The following CYFIP2 variants were observed in gnomAD, a reference collection of about 807,000 sequenced individuals.
CYFIP2 encodes the protein cytoplasmic FMR1 interacting protein 2, also known as cytoplasmic FMR1-interacting protein 2.
A neutral mutation model predicts 158.7 loss-of-function variants in CYFIP2; 29 were observed. The observed-to-expected ratio is 0.18, with a 90% CI of 0.14 to 0.25. The LOEUF is 0.25. Among genes scored for constraint, CYFIP2 ranks in the 10% least tolerant of loss-of-function variants. CYFIP2 has a pLI of 1.00. For missense variants in CYFIP2, 852 were observed against 1,639.5 expected (o/e 0.52, Z 8.29); for synonymous variants, 585 against 617.6 (o/e 0.95, Z 0.78).
At chr5:157,282,395 A>T (rs1350310532) in intron 1 of CYFIP2, among the ~76,000 whole-genome samples, 1 of 152,232 alleles carries the variant, frequency 6.6e-6, no homozygotes, top group Non-Finnish European at 1.5e-5. Context: ...CAAGCCATTC[A>T]TGAGGGACCT....
intron 23 of CYFIP2, among the ~76,000 whole-genome samples, chr5:157,358,246 T>C (rs1391463894): frequency 2.0e-5 from 3 of 152,152 alleles, no homozygotes. Context: ...CTTAAAGAGA[T>C]CCTTCAAATT....
chr5:157,324,502 A>G (rs1342755686), intron 16 of CYFIP2, among the ~76,000 whole-genome samples: 2 of 152,244 alleles, frequency 1.3e-5, no homozygotes, highest in African/African-American at 4.8e-5. Context: ...AGTAAGATGT[A>G]TGTCCAGAGC....
intron 24 of CYFIP2, 45 bp from the exon 25 acceptor site, chr5:157,360,237 A>G (rs1229609286): frequency 5.8e-6 from 9 of 1,540,982 alleles, no homozygotes; most frequent in Middle Eastern, 3.4e-4. Flanking sequence ...CATACCCCGC[A>G]TAGCCCAGAA....
intron 26 of CYFIP2, among the ~76,000 whole-genome samples, chr5:157,374,646 C>T (rs977184295): frequency 6.6e-6 from 1 of 152,196 alleles, no homozygotes; most frequent in African/African-American, 2.4e-5. Flanking sequence ...TGCCCACTTC[C>T]ACCTGGTCAG....
intron 5 of CYFIP2, 146 bp from the exon 6 acceptor site, chr5:157,300,569 C>A (rs576421099): frequency 2.2e-5 from 13 of 584,574 alleles, no homozygotes; most frequent in Non-Finnish European, 3.3e-5. Flanking sequence ...AAATTAGCTT[C>A]GGATTTAAGG....
chr5:157,343,593 A>T, intron 23 of CYFIP2: 1 of 1,384,632 alleles, frequency 7.2e-7, no homozygotes, highest in Non-Finnish European at 9.8e-7. Flanking sequence ...TTAAGTATGT[A>T]TTTATCATAA....
At chr5:157,334,074 A>T (rs1467458313) in intron 21 of CYFIP2, among the ~76,000 whole-genome samples, 1 of 152,272 alleles carries the variant, frequency 6.6e-6, no homozygotes, top group South Asian at 2.1e-4. Flanking sequence ...TCAAAAGCGA[A>T]TGAACAGAAG....
chr5:157,334,207 G>A (rs1761693122), intron 21 of CYFIP2, among the ~76,000 whole-genome samples: 1 of 152,200 alleles, frequency 6.6e-6, no homozygotes, highest in African/African-American at 2.4e-5. Flanking sequence ...CTTATATGAG[G>A]TTCCTACAGT....
intron 28 of CYFIP2, chr5:157,384,413 A>C: frequency 1.1e-5 from 5 of 456,750 alleles, no homozygotes; most frequent in Non-Finnish European, 2.2e-5. Flanking sequence ...GAGATTTAGG[A>C]TTGAAATCTG....
rs754215558 is a variant in CYFIP2, at chr5:157,389,410, C to G, written c.3429C>G (p.Thr1143=). 1 of 1,598,892 alleles carries G rather than the reference C, an allele frequency of 6.3e-7. No homozygotes were observed. The highest frequency in any genetic ancestry group is 1.3e-5 in the African/African-American group (1 of 74,812). The change falls in exon 29 of 31, where the codon ACC becomes ACG. Residue 1143 remains threonine (T), a synonymous_variant. Coordinates refer to ENST00000620254, the MANE Select transcript of CYFIP2 (RefSeq NM_001037333.3). ...MQFVYCIPVG[T]NEFTAEQCFG... Reference sequence around the variant, plus strand: ...TCGTGTACTGCATCCCTGTGGGAACCAACGAGTTCACAGCTGAGTGAGTAC... The same window carrying G: ...TCGTGTACTGCATCCCTGTGGGAACGAACGAGTTCACAGCTGAGTGAGTAC...
rs756287399 is a variant in CYFIP2 at position 157,358,842 on chromosome 5, CCT to C, written c.2674-156_2674-155del. Among the ~76,000 whole-genome samples, 15 of 152,324 alleles carry C rather than the reference CCT, an allele frequency of 9.8e-5. No individual in the cohort carries two copies. In the South Asian group the frequency reaches 1.2e-3, roughly 13 times the overall value. On this transcript the variant is annotated intron_variant, in intron 23 of 30. Coordinates refer to ENST00000620254, the MANE Select transcript of CYFIP2 (RefSeq NM_001037333.3). ...CGCCATCCTGTAGTCACTGACCACA[CCT>C]CTCTCTATGACCACCATTTTGCAAA...
intron 26 of CYFIP2, chr5:157,363,131 T>G (rs375339746): frequency 6.6e-6 from 1 of 152,386 alleles, no homozygotes; most frequent in Admixed American, 6.5e-5. Context: ...TCAGAGACTG[T>G]GCTCTCCTCC....
chr5:157,267,307 G>A (rs2113794499), intron 1 of CYFIP2, among the ~76,000 whole-genome samples: 1 of 152,320 alleles, frequency 6.6e-6, no homozygotes, highest in Non-Finnish European at 1.5e-5. Flanking sequence ...TGGCAGGAGG[G>A]GCAAATCAGG....
At position 157,330,813 on chromosome 5, in the gene CYFIP2, A is replaced by G. The variant is rs748914944; in HGVS notation, c.2228A>G (p.Asn743Ser). The change falls in exon 20 of 31, where the codon AAT (asparagine) becomes AGT (serine). Residue 743 changes from asparagine (N) to serine (S), a missense_variant. Physicochemically the swap from Asn to Ser is conservative, Grantham distance 46. This residue lies in a region of CYFIP2 where 191 missense variants were observed against 311.2 expected (regional missense o/e 0.61). Transcript: ENST00000620254. ...YGVIIPYPPSNRYETLLKQRH... is the reference protein window; with the variant it reads ...YGVIIPYPPSSRYETLLKQRH... Reference sequence around the variant, plus strand: ...GTCATCATTCCGTATCCACCGTCCAATCGCTATGAAACACTGCTGAAGCAG... The same window carrying G: ...GTCATCATTCCGTATCCACCGTCCAGTCGCTATGAAACACTGCTGAAGCAG... 7 of 1,613,892 alleles carry G rather than the reference A, an allele frequency of 4.3e-6. No homozygotes were observed. In the African/African-American group the frequency reaches 5.3e-5, roughly 12 times the overall value.
intron 1 of CYFIP2, chr5:157,271,703 C>T (rs2113805270): frequency 6.6e-6 from 1 of 152,254 alleles, no homozygotes; most frequent in African/African-American, 2.4e-5. Context: ...AGAAATTTGC[C>T]CTTTTAGAGT....
chr5:157,291,584 C>G (rs999061771), intron 3 of CYFIP2, among the ~76,000 whole-genome samples: 41 of 152,228 alleles, frequency 2.7e-4, no homozygotes, highest in African/African-American at 9.9e-4. Context: ...CAAGTAGACA[C>G]GTGTTCCTTA....
intron 3 of CYFIP2, among the ~76,000 whole-genome samples, chr5:157,289,667 A>G (rs1403053221): frequency 6.6e-6 from 1 of 152,060 alleles, no homozygotes; most frequent in Non-Finnish European, 1.5e-5. Context: ...GCCCTCTCTA[A>G]TGGCCTCATT....
At position 157,294,068 on chromosome 5, in the gene CYFIP2, C is replaced by A. The variant is rs371225437; in HGVS notation, c.208-715C>A. On this transcript the variant is annotated intron_variant, in intron 3 of 30. Coordinates refer to ENST00000620254, the MANE Select transcript of CYFIP2 (RefSeq NM_001037333.3). ...TATTTGTAAGAGCAATTGGGGAAGGCACCAATCTTGTGACCTCTGGCCACA... is the reference window on the plus strand; with the variant it reads ...TATTTGTAAGAGCAATTGGGGAAGGAACCAATCTTGTGACCTCTGGCCACA... 6.6e-5 allele frequency among the ~76,000 whole-genome samples: 10 copies of A among 152,276 alleles called. 1 individual carries two copies. The highest frequency in any genetic ancestry group is 6.5e-4 in the Admixed American group (10 of 15,298).
chr5:157,274,249 T>C (rs1453152386), intron 1 of CYFIP2, among the ~76,000 whole-genome samples: 1 of 152,132 alleles, frequency 6.6e-6, no homozygotes, highest in African/African-American at 2.4e-5. Flanking sequence ...TCATGGCCTT[T>C]AGCACCACCA....
Sources: allele counts gnomAD v4.1 joint callset (sites outside exome capture counted in the v4.1 genomes callset), GRCh38; gene constraint gnomAD v4.1.1; regional missense constraint gnomAD v4.1.1; transcripts MANE v1.5; gene names NCBI Gene and HGNC (gene_info 2026-07-23, HGNC 2026-07-21).